The following MDGA2 variants were observed in gnomAD, a reference collection of about 807,000 sequenced individuals.
MDGA2 encodes MAM domain-containing glycosylphosphatidylinositol anchor protein 2.
Under a neutral mutation model 117.8 loss-of-function variants are expected in MDGA2, and 40 were observed. The observed-to-expected ratio is 0.34, with a 90% confidence interval of 0.26 to 0.44. The LOEUF (loss-of-function observed/expected upper bound fraction) is 0.44, where lower values mean the gene tolerates loss of function less well. Among genes scored for constraint, MDGA2 ranks in the 20% least tolerant of loss-of-function variants. The pLI, the probability that MDGA2 is intolerant of heterozygous loss-of-function variation, is 1.00. For synonymous variants in MDGA2, 452 were observed against 439.0 expected (o/e 1.03, Z -0.37); for missense variants, 1,123 against 1,250.6 (o/e 0.90, Z 1.54).
intron 3 of MDGA2, among the ~76,000 whole-genome samples, chr14:47,154,314 T>C (rs954501944): frequency 6.6e-6 from 1 of 152,340 alleles, no homozygotes; most frequent in South Asian, 2.1e-4. Context: ...TTGGAGTGGC[T>C]GCTGCAAAGA....
rs565151095 is a variant in MDGA2 at position 46,959,610 on chromosome 14, A to T, written c.1820-1967T>A. On this transcript the variant is annotated intron_variant, in intron 8 of 16. Transcript: ENST00000399232. ...TTATTTTGTACTTTTATTTTATTAC[A>T]TTTTTGTATTAAATTTACTGTAACA... 4.3e-3 allele frequency among the ~76,000 whole-genome samples: 659 copies of T among 151,696 alleles called. 7 individuals are homozygous for T. The highest frequency in any genetic ancestry group is 0.014 in the African/African-American group (584 of 41,370).
intron 14 of MDGA2, among the ~76,000 whole-genome samples, chr14:46,858,423 T>C (rs1167546539): frequency 1.4e-5 from 2 of 138,730 alleles, no homozygotes; most frequent in Admixed American, 1.4e-4. Flanking sequence ...TCTTTTTCTT[T>C]TTTTCTTTTT....
chr14:47,612,778 T>C (rs187872021), intron 1 of MDGA2, among the ~76,000 whole-genome samples: 1 of 152,320 alleles, frequency 6.6e-6, no homozygotes, highest in Admixed American at 6.5e-5. Flanking sequence ...AAGTGTACTT[T>C]ATACATATTC....
intron 1 of MDGA2, among the ~76,000 whole-genome samples, chr14:47,466,466 C>A (rs536587131): frequency 3.0e-4 from 45 of 152,132 alleles, no homozygotes; most frequent in African/African-American, 1.1e-3. Context: ...ATGAGAGAGA[C>A]AGGGAGATAA....
At chr14:47,385,166 T>C (rs535408076) in intron 1 of MDGA2, among the ~76,000 whole-genome samples, 1 of 152,236 alleles carries the variant, frequency 6.6e-6, no homozygotes, top group South Asian at 2.1e-4. Flanking sequence ...TTATACTATG[T>C]CTAAAATGTT....
chr14:47,161,797 G>C (rs181843674), intron 3 of MDGA2, among the ~76,000 whole-genome samples: 3 of 151,144 alleles, frequency 2.0e-5, no homozygotes, highest in East Asian at 3.9e-4. Flanking sequence ...CTTATATTTT[G>C]TTTTCGTTGA....
intron 7 of MDGA2, among the ~76,000 whole-genome samples, chr14:47,056,722 AG>A (rs1294789290): frequency 3.9e-5 from 6 of 152,190 alleles, no homozygotes; most frequent in African/African-American, 1.4e-4. Flanking sequence ...TAATACTGGA[AG>A]AAGCAATGAG....
In MDGA2 at chr14:47,523,839, C is replaced by T. The variant is rs76579606; in HGVS notation, c.280+150678G>A. Among the ~76,000 whole-genome samples the T allele has an allele frequency of 7.8e-3, 1,188 of 152,236 alleles. 8 individuals carry two copies. Among genetic ancestry groups the T allele is most frequent in the African/African-American group, 0.017 (722 of 41,538 alleles). On this transcript the variant is annotated intron_variant, in intron 1 of 16. Coordinates refer to ENST00000399232, the MANE Select transcript of MDGA2 (RefSeq NM_001113498.3). ...CTTTTGCCTTAGTTTGTCACTGAAACGAAATGTCCCTATTTCTTCCTTCAG... is the reference window on the plus strand; with the variant it reads ...CTTTTGCCTTAGTTTGTCACTGAAATGAAATGTCCCTATTTCTTCCTTCAG...
chr14:47,032,877 C>G (rs1451722206), intron 8 of MDGA2, among the ~76,000 whole-genome samples: 3 of 152,124 alleles, frequency 2.0e-5, no homozygotes, highest in Admixed American at 2.0e-4. Context: ...TGATCCTCAC[C>G]TAGAGCTGGC....
rs559381008 is a variant in MDGA2, at chr14:47,399,745, A to T, written c.281-98195T>A. Among the ~76,000 whole-genome samples, 110 of 140,192 alleles carry T rather than the reference A, an allele frequency of 7.8e-4. 1 individual carries two copies. Among genetic ancestry groups the T allele is most frequent in the Non-Finnish European group, 7.8e-4 (49 of 63,216 alleles). 92.0% of individuals were successfully genotyped at this position (140,192 alleles called of 152,430 possible). A position where few individuals can be genotyped will look rare whatever the true frequency, so the allele number is the denominator to read the frequency against. On this transcript the variant is annotated intron_variant, in intron 1 of 16. Transcript: ENST00000399232. ...GAGTTTACAAAAAAATCACGAAACA[A>T]ATCATGTCTGTTTTTTTGTTAAAAA...
intron 3 of MDGA2, among the ~76,000 whole-genome samples, chr14:47,162,619 G>C (rs1178452653): frequency 6.6e-6 from 1 of 152,056 alleles, no homozygotes; most frequent in Non-Finnish European, 1.5e-5. Context: ...AGGATTTTCA[G>C]TAAGCACAGC....
intron 1 of MDGA2, among the ~76,000 whole-genome samples, chr14:47,497,034 G>C (rs1022285079): frequency 6.6e-6 from 1 of 151,966 alleles, no homozygotes; most frequent in Non-Finnish European, 1.5e-5. Flanking sequence ...GAGCTAAGGT[G>C]GTAATGCTCA....
chr14:47,662,261 C>G (rs1050769713), intron 1 of MDGA2, among the ~76,000 whole-genome samples: 1 of 152,008 alleles, frequency 6.6e-6, no homozygotes, highest in African/African-American at 2.4e-5. Context: ...TTTGAATACA[C>G]ATACGCACTC....
intron 7 of MDGA2, among the ~76,000 whole-genome samples, chr14:47,038,104 A>G (rs1260201417): frequency 6.6e-6 from 1 of 151,908 alleles, no homozygotes; most frequent in African/African-American, 2.4e-5. Flanking sequence ...TAATTTTTTC[A>G]TATTTTTAGT....
At chr14:46,844,716 C>G (rs928232602) in intron 16 of MDGA2, among the ~76,000 whole-genome samples, 3 of 152,000 alleles carry the variant, frequency 2.0e-5, no homozygotes, top group African/African-American at 7.2e-5. Context: ...CTGCATAATC[C>G]CCATGTTTCA....
intron 3 of MDGA2, among the ~76,000 whole-genome samples, chr14:47,161,252 T>C (rs999848793): frequency 6.6e-6 from 1 of 152,110 alleles, no homozygotes; most frequent in African/African-American, 2.4e-5. Context: ...AAAAAAATAA[T>C]TACGGCATTT....
At chr14:47,610,892 G>A (rs780195475) in intron 1 of MDGA2, among the ~76,000 whole-genome samples, 17 of 151,988 alleles carry the variant, frequency 1.1e-4, no homozygotes, top group African/African-American at 2.7e-4. Flanking sequence ...AAAAGAGCCC[G>A]CATAGCCAAA....
At chr14:47,624,624 T>C (rs1897108535) in intron 1 of MDGA2, among the ~76,000 whole-genome samples, 1 of 152,208 alleles carries the variant, frequency 6.6e-6, no homozygotes, top group Non-Finnish European at 1.5e-5. Flanking sequence ...AATCAGTTTT[T>C]TTTAAGCTCC....
intron 10 of MDGA2, among the ~76,000 whole-genome samples, chr14:46,893,562 C>T (rs189311126): frequency 2.0e-4 from 31 of 151,904 alleles, no homozygotes; most frequent in African/African-American, 7.5e-4. Flanking sequence ...AGAATGAATA[C>T]GTTAATTTGC....
Sources: allele counts gnomAD v4.1 joint callset (sites outside exome capture counted in the v4.1 genomes callset), GRCh38; gene constraint gnomAD v4.1.1; transcripts MANE v1.5; gene names NCBI Gene and HGNC (gene_info 2026-07-23, HGNC 2026-07-21).